The following MAML3 variants were observed in gnomAD, a reference collection of about 807,000 sequenced individuals.
MAML3 encodes the protein mastermind like transcriptional coactivator 3, also known as mastermind-like protein 3.
Under a neutral mutation model 101.9 loss-of-function variants are expected in MAML3, and 27 were observed. The observed-to-expected ratio is 0.27, with a 90% CI of 0.20 to 0.37. The LOEUF is 0.37. MAML3 is among the 10% of genes least tolerant of loss of function. The probability of loss-of-function intolerance (pLI) is 1.00; values close to 1 mark genes in which losing one functional copy is unlikely to be tolerated. For missense variants in MAML3, 1,316 were observed against 1,444.9 expected, an observed-to-expected ratio of 0.91 and a Z score of 1.45; for synonymous variants, 501 against 555.9, an observed-to-expected ratio of 0.90 and a Z score of 1.39.
chr4:139,843,856 T>C (rs1478789027), intron 2 of MAML3, among the ~76,000 whole-genome samples: 1 of 152,182 alleles, frequency 6.6e-6, no homozygotes, highest in Non-Finnish European at 1.5e-5. Flanking sequence ...ATGAAGCAAC[T>C]TCCCATGGAC....
At chr4:139,740,246 G>A (rs1194739302) in intron 2 of MAML3, 5 of 152,228 alleles carry the variant, frequency 3.3e-5, no homozygotes, top group Admixed American at 6.5e-5. Flanking sequence ...GAACCAGCCA[G>A]ACCTTTGGAG....
At chr4:140,088,546 T>C (rs1176006497) in intron 1 of MAML3, among the ~76,000 whole-genome samples, 7 of 152,296 alleles carry the variant, frequency 4.6e-5, no homozygotes, top group Non-Finnish European at 7.3e-5. Flanking sequence ...CAGCTTCTAG[T>C]CTTTGTCCTA....
At chr4:140,128,513 G>A (rs982848486) in intron 1 of MAML3, among the ~76,000 whole-genome samples, 2 of 152,190 alleles carry the variant, frequency 1.3e-5, no homozygotes, top group African/African-American at 4.8e-5. Flanking sequence ...GGGAATGTCA[G>A]CTCAGAGCTC....
intron 2 of MAML3, among the ~76,000 whole-genome samples, chr4:139,867,342 C>G (rs1731915579): frequency 6.6e-6 from 1 of 151,794 alleles, no homozygotes; most frequent in South Asian, 2.1e-4. Context: ...TGTGTTACTT[C>G]AAAAAGAAAA....
chr4:140,006,206 G>A (rs1726441845), intron 1 of MAML3, among the ~76,000 whole-genome samples: 1 of 152,062 alleles, frequency 6.6e-6, no homozygotes, highest in Non-Finnish European at 1.5e-5. Context: ...CTAATTCGAG[G>A]GGGCCAATAG....
intron 1 of MAML3, among the ~76,000 whole-genome samples, chr4:140,104,700 C>T (rs1009527281): frequency 6.6e-6 from 1 of 151,194 alleles, no homozygotes; most frequent in Non-Finnish European, 1.5e-5. Context: ...GCCATGTTGC[C>T]CAGGCTGGTC....
Position 139,765,697 on chromosome 4 carries a change from T to C in MAML3, c.2080-35030A>G, listed in dbSNP as rs570628211. Among the ~76,000 whole-genome samples the C allele has an allele frequency of 9.2e-5, 14 of 152,314 alleles. No homozygotes were observed. In the East Asian group the frequency reaches 1.2e-3, roughly 13 times the overall value. On this transcript the variant is annotated intron_variant, in intron 2 of 4. Transcript: ENST00000509479. ...TACAATCTTTTCCACCAATGAAGAA[T>C]GAAGTATTGGCCAGGTGTGGTGGCT...
At chr4:139,783,310 T>C (rs1730248936) in intron 2 of MAML3, among the ~76,000 whole-genome samples, 1 of 152,226 alleles carries the variant, frequency 6.6e-6, no homozygotes, top group African/African-American at 2.4e-5. Flanking sequence ...CCGGTGTTCC[T>C]GTGACGTCCT....
intron 1 of MAML3, among the ~76,000 whole-genome samples, chr4:140,056,794 G>A (rs1727356561): frequency 1.4e-5 from 2 of 147,920 alleles, no homozygotes; most frequent in African/African-American, 5.0e-5. Context: ...CTCAGCGACA[G>A]AGCAAGACTC....
intron 2 of MAML3, among the ~76,000 whole-genome samples, chr4:139,837,321 C>G (rs895753019): frequency 5.3e-5 from 8 of 151,296 alleles, no homozygotes; most frequent in African/African-American, 1.5e-4. Flanking sequence ...ACGGTGAAAC[C>G]CTGTCTTTAC....
chr4:140,094,276 G>T (rs1170683152), intron 1 of MAML3, among the ~76,000 whole-genome samples: 1 of 152,226 alleles, frequency 6.6e-6, no homozygotes, highest in Non-Finnish European at 1.5e-5. Context: ...CAAAGTAATT[G>T]TACACGTCAT....
intron 2 of MAML3, among the ~76,000 whole-genome samples, chr4:139,803,583 G>A (rs1265440630): frequency 1.3e-5 from 2 of 152,276 alleles, no homozygotes. Flanking sequence ...TCTGGTGAAG[G>A]ATGACATGTT....
intron 2 of MAML3, among the ~76,000 whole-genome samples, chr4:139,804,196 A>T (rs779970836): frequency 5.3e-5 from 8 of 152,042 alleles, no homozygotes; most frequent in Non-Finnish European, 1.2e-4. Flanking sequence ...CAACCACTTG[A>T]AATTCAGCTA....
chr4:139,888,047 T>G (rs1732377738), intron 2 of MAML3, among the ~76,000 whole-genome samples: 1 of 152,208 alleles, frequency 6.6e-6, no homozygotes, highest in South Asian at 2.1e-4. Context: ...GGCTGGCATG[T>G]GCAGACAAGA....
chr4:140,072,348 T>C (rs1304096872), intron 1 of MAML3, among the ~76,000 whole-genome samples: 1 of 152,140 alleles, frequency 6.6e-6, no homozygotes, highest in African/African-American at 2.4e-5. Flanking sequence ...TTACATTGTG[T>C]TAGGTATTAT....
intron 1 of MAML3, among the ~76,000 whole-genome samples, chr4:140,012,097 G>C (rs538459900): frequency 2.0e-5 from 3 of 152,024 alleles, no homozygotes; most frequent in South Asian, 4.2e-4. Context: ...TGCAAGGAAG[G>C]GGTCTTAAAA....
intron 1 of MAML3, among the ~76,000 whole-genome samples, chr4:139,938,573 G>C (rs1426522114): frequency 6.6e-6 from 1 of 152,210 alleles, no homozygotes; most frequent in Non-Finnish European, 1.5e-5. Context: ...TGATAGGCTT[G>C]TGGGAGTAGA....
At position 140,118,479 on chromosome 4, in the gene MAML3, C is replaced by T. The variant is rs148218553; in HGVS notation, c.468+34381G>A. On this transcript the variant is annotated intron_variant, in intron 1 of 4. Coordinates refer to ENST00000509479, the MANE Select transcript of MAML3 (RefSeq NM_018717.5). ...GAAAATGAGGATGAGGTAGCAGAAC[C>T]ATAACCTTGACTACCTTTGTGGAAC... is the stretch of plus-strand genomic sequence containing the variant. 8.0e-3 allele frequency among the ~76,000 whole-genome samples: 1,213 copies of T among 152,100 alleles called. 22 individuals carry two copies. The highest frequency in any genetic ancestry group is 0.028 in the African/African-American group (1,150 of 41,482).
chr4:140,150,343 C>T (rs1394384516), intron 1 of MAML3, among the ~76,000 whole-genome samples: 1 of 152,170 alleles, frequency 6.6e-6, no homozygotes, highest in African/African-American at 2.4e-5. Context: ...GGGCTTGCTT[C>T]CACCTGCGAG....
Sources: gnomAD v4.1 joint callset for allele counts (sites outside exome capture counted in the v4.1 genomes callset) on GRCh38, gnomAD v4.1.1 for gene constraint, MANE v1.5 for transcripts, NCBI Gene and HGNC (gene_info 2026-07-23, HGNC 2026-07-21) for gene names.